CYP3A7: variants seen among roughly 807,000 people sequenced by gnomAD.
The protein encoded by CYP3A7 is cytochrome P450 3A7.
CYP3A7 carries 45 observed loss-of-function variants against 55.2 expected under a neutral mutation model. The ratio of observed to expected loss-of-function variants is 0.82; its 90% CI spans 0.64 to 1.05. The LOEUF (loss-of-function observed/expected upper bound fraction) is 1.05, where lower values mean the gene tolerates loss of function less well. CYP3A7 is among the 50% of genes least tolerant of loss of function. The pLI is 0.00. For synonymous variants in CYP3A7, 180 were observed against 207.4 expected, an observed-to-expected ratio of 0.87 and a Z score of 1.13; for missense variants, 548 against 605.3, an observed-to-expected ratio of 0.91 and a Z score of 0.99.
intron 11 of CYP3A7, among the ~76,000 whole-genome samples, chr7:99,708,743 T>C (rs897480945): frequency 2.0e-5 from 3 of 152,130 alleles, no homozygotes; most frequent in Non-Finnish European, 4.4e-5. Flanking sequence ...AATAATAGCA[T>C]TGTGATCATG....
chr7:99,706,997 A>T (rs369886474), intron 12 of CYP3A7, among the ~76,000 whole-genome samples: 2 of 152,360 alleles, frequency 1.3e-5, no homozygotes, highest in East Asian at 3.8e-4. Flanking sequence ...AAATTATATG[A>T]TAATAGCCTC....
intron 12 of CYP3A7, among the ~76,000 whole-genome samples, chr7:99,706,071 A>G (rs948749698): frequency 2.0e-5 from 3 of 152,198 alleles, no homozygotes; most frequent in African/African-American, 7.2e-5. Flanking sequence ...ATTCCTCTCA[A>G]TTGAACCCAT....
At chr7:99,706,144 C>T (rs1813515011) in intron 12 of CYP3A7, among the ~76,000 whole-genome samples, 1 of 152,144 alleles carries the variant, frequency 6.6e-6, no homozygotes, top group African/African-American at 2.4e-5. Flanking sequence ...AACATCTTCT[C>T]TTGGTTTACA....
chr7:99,717,752 A>C (rs1038915500), intron 4 of CYP3A7, 113 bp from the exon 5 acceptor site: 2 of 1,326,904 alleles, frequency 1.5e-6, no homozygotes, highest in Non-Finnish European at 2.1e-6. Flanking sequence ...GTGACTGTCT[A>C]CTAAGTGACA....
chr7:99,706,222 C>T (rs1813518966), intron 12 of CYP3A7, among the ~76,000 whole-genome samples: 1 of 152,226 alleles, frequency 6.6e-6, no homozygotes, highest in Non-Finnish European at 1.5e-5. Flanking sequence ...TATTGAGACA[C>T]TCCTTCAGTG....
intron 7 of CYP3A7, chr7:99,715,523 T>C (rs566497561): frequency 7.1e-4 from 429 of 600,936 alleles, no homozygotes; most frequent in Middle Eastern, 9.6e-4. Context: ...TGACTAGTGG[T>C]TATATACGAC....
At chr7:99,713,132 G>C (rs1813818184) in intron 9 of CYP3A7, among the ~76,000 whole-genome samples, 1 of 152,158 alleles carries the variant, frequency 6.6e-6, no homozygotes, top group Non-Finnish European at 1.5e-5. Context: ...AATTATTTTT[G>C]CAGAAACCTA....
Position 99,712,943 on chromosome 7 carries a change from C to T in CYP3A7, c.865+526G>A, listed in dbSNP as rs76997387. ...GAGGTTTTCCAAAAAGTTACTTATC[C>T]ATTGCAAAGGAAAAAATAACTTCAT... On this transcript the variant is annotated intron_variant, in intron 9 of 12. Transcript: ENST00000336374. Among the ~76,000 whole-genome samples the T allele has an allele frequency of 1.8e-3, 269 of 152,232 alleles. 1 individual carries two copies. The highest frequency in any genetic ancestry group is 6.1e-3 in the African/African-American group (254 of 41,536).
At chr7:99,733,138 C>G (rs1314100016) in intron 1 of CYP3A7, among the ~76,000 whole-genome samples, 1 of 152,212 alleles carries the variant, frequency 6.6e-6, no homozygotes, top group Non-Finnish European at 1.5e-5. Flanking sequence ...TCTACCACAA[C>G]CAGGGTGGCC....
At chr7:99,727,178 G>T (rs1463153376) in intron 2 of CYP3A7, among the ~76,000 whole-genome samples, 1 of 152,134 alleles carries the variant, frequency 6.6e-6, no homozygotes, top group African/African-American at 2.4e-5. Flanking sequence ...CAGCCAAAGT[G>T]CAGGGCTGTG....
intron 4 of CYP3A7, 61 bp from the exon 5 acceptor site, chr7:99,717,700 G>T: frequency 6.3e-7 from 1 of 1,588,382 alleles, no homozygotes; most frequent in Non-Finnish European, 8.6e-7. Context: ...CATGGTTGTA[G>T]AAAATGTGTT....
intron 12 of CYP3A7, 44 bp downstream of exon 12, chr7:99,707,768 A>T: frequency 6.2e-7 from 1 of 1,611,980 alleles, no homozygotes; most frequent in Non-Finnish European, 8.5e-7. Flanking sequence ...ATTCAGTTAA[A>T]ATAATTGTTA....
chr7:99,719,467 A>G (rs1185426703), intron 4 of CYP3A7, among the ~76,000 whole-genome samples: 1 of 152,224 alleles, frequency 6.6e-6, no homozygotes, highest in African/African-American at 2.4e-5. Context: ...TTATACAAAA[A>G]ATAACACAAA....
At chr7:99,714,074 G>A (rs374441063) in intron 8 of CYP3A7, among the ~76,000 whole-genome samples, 1 of 152,170 alleles carries the variant, frequency 6.6e-6, no homozygotes, top group East Asian at 1.9e-4. Flanking sequence ...GTTCACTCGA[G>A]GCTGTCAGAG....
chr7:99,734,902 T>G, intron 1 of CYP3A7, 121 bp downstream of exon 1: 5 of 1,481,212 alleles, frequency 3.4e-6, no homozygotes, highest in Non-Finnish European at 4.7e-6. Flanking sequence ...ATGACAGGTG[T>G]GAGCCACCAC....
intron 2 of CYP3A7, 131 bp downstream of exon 2, chr7:99,730,928 T>C (rs1232177944): frequency 4.1e-6 from 5 of 1,232,144 alleles, no homozygotes; most frequent in East Asian, 2.6e-5. Context: ...ACGCTCTGGG[T>C]GATGCCTACA....
intron 7 of CYP3A7, 102 bp from the exon 8 acceptor site, chr7:99,714,784 A>T: frequency 6.5e-7 from 1 of 1,544,212 alleles, no homozygotes; most frequent in Non-Finnish European, 8.7e-7. Context: ...AGTGAAATAC[A>T]TCAGTGTTCT....
At chr7:99,718,522 G>A (rs1783043495) in intron 4 of CYP3A7, among the ~76,000 whole-genome samples, 1 of 151,866 alleles carries the variant, frequency 6.6e-6, no homozygotes, top group Non-Finnish European at 1.5e-5. Flanking sequence ...AGCAAACTAG[G>A]GAGAGAAAAT....
chr7:99,732,987 A>T (rs1814683347), intron 1 of CYP3A7, among the ~76,000 whole-genome samples: 1 of 152,180 alleles, frequency 6.6e-6, no homozygotes. Context: ...AAATCCAGTG[A>T]CTCTGATAAT....
Sources: allele counts gnomAD v4.1 joint callset (sites outside exome capture counted in the v4.1 genomes callset), GRCh38; gene constraint gnomAD v4.1.1; transcripts MANE v1.5; gene names NCBI Gene and HGNC (gene_info 2026-07-23, HGNC 2026-07-21).